The following DIP2A variants were observed in gnomAD, a reference collection of about 807,000 sequenced individuals.
DIP2A encodes DIP2 acetate--CoA ligase A.
Under a neutral mutation model 177.4 loss-of-function variants are expected in DIP2A, and 85 were observed. The ratio of observed to expected loss-of-function variants is 0.48; its 90% confidence interval spans 0.40 to 0.57. The LOEUF (loss-of-function observed/expected upper bound fraction) is 0.57, where lower values mean the gene tolerates loss of function less well. DIP2A is among the 20% of genes least tolerant of loss of function. The probability of loss-of-function intolerance (pLI) is 0.00; values close to 1 mark genes in which losing one functional copy is unlikely to be tolerated. For missense variants in DIP2A, 1,791 were observed against 2,100.2 expected, an observed-to-expected ratio of 0.85 and a Z score of 2.88; for synonymous variants, 886 against 881.8, an observed-to-expected ratio of 1.00 and a Z score of -0.08.
At chr21:46,575,926 C>T in the DIP2A span, among the ~76,000 whole-genome samples, 1 of 152,102 alleles carries the variant, frequency 6.6e-6, no homozygotes, top group Non-Finnish European at 1.5e-5. Flanking sequence ...TCTAAAGACA[C>T]TCTGAATAAA....
intron 8 of DIP2A, among the ~76,000 whole-genome samples, chr21:46,513,124 G>A (rs1403183580): frequency 1.3e-5 from 2 of 148,404 alleles, no homozygotes; most frequent in African/African-American, 5.0e-5. Context: ...TTCCTGTATT[G>A]TAGCTAAGTT....
At chr21:46,527,325 G>GTGT (rs1555897945) in intron 8 of DIP2A, among the ~76,000 whole-genome samples, 3 of 105,586 alleles carry the variant, frequency 2.8e-5, no homozygotes, top group Non-Finnish European at 5.3e-5. Flanking sequence ...TTGAGTTGAG[G>GTGT]TTTTTTTTTT....
chr21:46,489,742 T>C (rs1568954560), intron 2 of DIP2A, among the ~76,000 whole-genome samples: 1 of 152,236 alleles, frequency 6.6e-6, no homozygotes, highest in East Asian at 1.9e-4. Context: ...AGGCTAAAGC[T>C]AAATGCATAT....
chr21:46,481,840 CA>C (rs2148414429), intron 1 of DIP2A, among the ~76,000 whole-genome samples: 1 of 152,270 alleles, frequency 6.6e-6, no homozygotes, highest in African/African-American at 2.4e-5. Context: ...CACTTGAGGT[CA>C]GGAGTTCTAG....
Position 46,529,146 on chromosome 21 carries a change from CAAGT to C in DIP2A, c.1161_1164del (p.Ser387ArgfsTer22), listed in dbSNP as rs1209756823. 1 of 1,534,358 alleles carries C rather than the reference CAAGT, an allele frequency of 6.5e-7. No individual in the cohort carries two copies. The highest frequency in any genetic ancestry group is 8.8e-7 in the Non-Finnish European group (1 of 1,140,132). Reference sequence around the variant, plus strand: ...GCTTATACTCTACTTAATAAACTGACAAGTAAGAATGAACCTCTACTTAAACCTG... The same window carrying C: ...GCTTATACTCTACTTAATAAACTGACAAGAATGAACCTCTACTTAAACCTG... On this transcript the variant is annotated frameshift_variant, in exon 9 of 38. Coordinates refer to ENST00000417564, the MANE Select transcript of DIP2A (RefSeq NM_015151.4). LOFTEE classifies it high-confidence loss of function.
At chr21:46,476,309 G>A (rs538181780) in intron 1 of DIP2A, among the ~76,000 whole-genome samples, 6 of 152,066 alleles carry the variant, frequency 3.9e-5, no homozygotes, top group South Asian at 2.1e-4. Context: ...ACTAACTGCC[G>A]TGTGGTATTA....
At chr21:46,472,504 G>T (rs2055479628) in intron 1 of DIP2A, among the ~76,000 whole-genome samples, 1 of 152,230 alleles carries the variant, frequency 6.6e-6, no homozygotes, top group Non-Finnish European at 1.5e-5. Flanking sequence ...CAAGGGGAGG[G>T]ATCATCAGCA....
At chr21:46,473,697 G>A (rs1375608446) in intron 1 of DIP2A, among the ~76,000 whole-genome samples, 1 of 152,018 alleles carries the variant, frequency 6.6e-6, no homozygotes, top group African/African-American at 2.4e-5. Context: ...TGTATTTTTA[G>A]TAAAGATGGG....
intron 1 of DIP2A, among the ~76,000 whole-genome samples, chr21:46,460,760 C>T (rs2054222595): frequency 1.3e-5 from 2 of 151,480 alleles, no homozygotes; most frequent in South Asian, 4.2e-4. Context: ...ATGGCGTGAT[C>T]TCGGCTCACT....
At chr21:46,486,699 T>G (rs2056719998) in intron 2 of DIP2A, among the ~76,000 whole-genome samples, 1 of 152,228 alleles carries the variant, frequency 6.6e-6, no homozygotes, top group Non-Finnish European at 1.5e-5. Flanking sequence ...TTGGAGAGGA[T>G]TCAATCAGTA....
Position 46,527,325 on chromosome 21 carries a change from G to GT in DIP2A, c.1103-1747dup, listed in dbSNP as rs58453285. Among the ~76,000 whole-genome samples the GT allele has an allele frequency of 3.6e-3, 379 of 105,586 alleles. 21 individuals are homozygous for GT. The highest frequency in any genetic ancestry group is 0.012 in the East Asian group (40 of 3,422). The allele number at this position is 105,586 out of a possible 152,430, so 69.3% of individuals were successfully genotyped here. On this transcript the variant is annotated intron_variant, in intron 8 of 37. Coordinates refer to ENST00000417564, the MANE Select transcript of DIP2A (RefSeq NM_015151.4). Reference sequence around the variant, plus strand: ...GGCTAAAACAGTGGTTTGAGTTGAGGTTTTTTTTTTTTTTTTTTTTGAGAG... The same window carrying GT: ...GGCTAAAACAGTGGTTTGAGTTGAGGTTTTTTTTTTTTTTTTTTTTTGAGAG...
At chr21:46,503,571 T>TCTTCCTTCCTTC (rs911345370) in intron 5 of DIP2A, among the ~76,000 whole-genome samples, 47 of 83,744 alleles carry the variant, frequency 5.6e-4, no homozygotes, top group Middle Eastern at 5.8e-3. Context: ...TGAGGGAATT[T>TCTTCCTTCCTTC]CTTCCTTCCT....
intron 35 of DIP2A, 40 bp from the exon 36 acceptor site, chr21:46,565,673 G>C: frequency 1.3e-6 from 2 of 1,579,220 alleles, no homozygotes; most frequent in Non-Finnish European, 1.7e-6. Context: ...GAACTCGGTG[G>C]TTGGTAACAC....
At position 46,488,941 on chromosome 21, in the gene DIP2A, C is replaced by A. The variant is rs1011376486; in HGVS notation, c.164-1659C>A. On this transcript the variant is annotated intron_variant, in intron 2 of 37. Coordinates refer to ENST00000417564, the MANE Select transcript of DIP2A (RefSeq NM_015151.4). ...CGTCTGTGTATATGTCACTTTACAG[C>A]ATGCTTGTTTATCATCCATAAGGTG... Among the ~76,000 whole-genome samples, 5 of 152,340 alleles carry A rather than the reference C, an allele frequency of 3.3e-5. No homozygotes were observed. In the South Asian group the frequency reaches 6.2e-4, roughly 19 times the overall value.
intron 1 of DIP2A, among the ~76,000 whole-genome samples, chr21:46,461,097 A>G (rs1402524037): frequency 6.6e-6 from 1 of 151,722 alleles, no homozygotes; most frequent in Non-Finnish European, 1.5e-5. Context: ...ACGGGAGTTC[A>G]GAACAGCTTG....
chr21:46,581,767 T>A, the DIP2A span, among the ~76,000 whole-genome samples: 1 of 152,162 alleles, frequency 6.6e-6, no homozygotes, highest in Non-Finnish European at 1.5e-5. Context: ...CACCTGGAAG[T>A]GTCACCAGTG....
At chr21:46,538,898 T>C in intron 16 of DIP2A, 1 of 331,694 alleles carries the variant, frequency 3.0e-6, no homozygotes, top group Non-Finnish European at 5.6e-6. Context: ...CTGGGGTTCC[T>C]GTTTCTCTTT....
At chr21:46,496,000 A>G (rs2057337932) in intron 3 of DIP2A, among the ~76,000 whole-genome samples, 4 of 151,888 alleles carry the variant, frequency 2.6e-5, no homozygotes, top group Admixed American at 2.6e-4. Context: ...TGAACCCGGG[A>G]GGCGGAGATT....
At chr21:46,541,337 G>C (rs2059808472) in intron 17 of DIP2A, among the ~76,000 whole-genome samples, 1 of 152,190 alleles carries the variant, frequency 6.6e-6, no homozygotes. Flanking sequence ...AGACAGCTTT[G>C]TGTGTGTACA....
Sources: gnomAD v4.1 joint callset for allele counts (sites outside exome capture counted in the v4.1 genomes callset) on GRCh38, gnomAD v4.1.1 for gene constraint, MANE v1.5 for transcripts, NCBI Gene and HGNC (gene_info 2026-07-23, HGNC 2026-07-21) for gene names.